The following RAVER2 variants were observed in gnomAD, a reference collection of about 807,000 sequenced individuals.
RAVER2 encodes the protein ribonucleoprotein PTB-binding 2.
Under a neutral mutation model 78.1 loss-of-function variants are expected in RAVER2, and 46 were observed. The ratio of observed to expected loss-of-function variants is 0.59; its 90% confidence interval spans 0.46 to 0.75. RAVER2 has a LOEUF of 0.75. RAVER2 is among the 30% of genes least tolerant of loss of function. The pLI is 0.00. For missense variants in RAVER2, 793 were observed against 837.5 expected, an observed-to-expected ratio of 0.95 and a Z score of 0.66; for synonymous variants, 311 against 313.3, an observed-to-expected ratio of 0.99 and a Z score of 0.08.
intron 11 of RAVER2, 80 bp from the exon 12 acceptor site, chr1:64,830,759 G>A: frequency 7.6e-7 from 1 of 1,307,950 alleles, no homozygotes; most frequent in Non-Finnish European, 1.1e-6. Flanking sequence ...AGTCAAAGTG[G>A]AATGCTTTTC....
At chr1:64,761,855 A>AT (rs971346418) in intron 1 of RAVER2, among the ~76,000 whole-genome samples, 4 of 152,106 alleles carry the variant, frequency 2.6e-5, no homozygotes, top group Non-Finnish European at 5.9e-5. Context: ...TACGCCTGTA[A>AT]TCCCCGGACT....
chr1:64,770,945 C>G (rs1652299354), intron 2 of RAVER2, among the ~76,000 whole-genome samples: 1 of 151,632 alleles, frequency 6.6e-6, no homozygotes, highest in Admixed American at 6.6e-5. Flanking sequence ...AACTGTGGGA[C>G]AGCTTCAAGA....
intron 5 of RAVER2, among the ~76,000 whole-genome samples, chr1:64,792,006 A>G (rs573794533): frequency 9.2e-5 from 14 of 152,208 alleles, no homozygotes; most frequent in Non-Finnish European, 1.6e-4. Flanking sequence ...GAGCCCCAGT[A>G]TATACCATAT....
At chr1:64,831,031 C>T (rs371765222) in exon 12 of RAVER2, 11 of 1,563,870 alleles carry the variant, frequency 7.0e-6, no homozygotes, top group South Asian at 1.2e-5. Flanking sequence ...TGCAGTATCT[C>T]TGCTGTTCAT....
At chr1:64,787,252 G>A (rs1652806637) in intron 4 of RAVER2, among the ~76,000 whole-genome samples, 1 of 152,112 alleles carries the variant, frequency 6.6e-6, no homozygotes, top group Non-Finnish European at 1.5e-5. Flanking sequence ...TTCTCCAAAT[G>A]TCTAGCTATT....
At position 64,833,176 on chromosome 1, in the gene RAVER2, A is replaced by ATTGT. The variant is rs201951894; in HGVS notation, c.*2195_*2198dup. ...TACTGTTATTTTTCTATGTAAGCAA[A>ATTGT]TTGTTTGAAATGCTTTGAAAATGAA... On this transcript the variant is annotated 3_prime_UTR_variant, in exon 12 of 12. Transcript: ENST00000294428. 1,189 of 199,270 alleles carry ATTGT rather than the reference A, an allele frequency of 6.0e-3. 14 individuals carry two copies. The highest frequency in any genetic ancestry group is 0.025 in the African/African-American group (1,078 of 43,486). 12.3% of individuals were successfully genotyped at this position (199,270 alleles called of 1,614,324 possible). A position where few individuals can be genotyped will look rare whatever the true frequency, so the allele number is the denominator to read the frequency against.
At chr1:64,768,031 T>TA (rs1371727681) in intron 1 of RAVER2, among the ~76,000 whole-genome samples, 1 of 151,382 alleles carries the variant, frequency 6.6e-6, no homozygotes, top group Non-Finnish European at 1.5e-5. Context: ...CCTTAGTAGT[T>TA]AGTTTTTTTC....
intron 1 of RAVER2, among the ~76,000 whole-genome samples, chr1:64,767,235 T>C (rs1048180648): frequency 6.6e-6 from 1 of 152,190 alleles, no homozygotes; most frequent in East Asian, 1.9e-4. Flanking sequence ...TCCATTTCTA[T>C]ATTACTCATA....
In RAVER2 at chr1:64,811,332, C is replaced by T. The variant is rs186057448; in HGVS notation, c.1681-1406C>T. Among the ~76,000 whole-genome samples the T allele has an allele frequency of 2.6e-5, 4 of 152,320 alleles. No individual in the cohort carries two copies. In the East Asian group the frequency reaches 5.8e-4, roughly 22 times the overall value. ...AGCCATTCATCTCTCCAGTAAATTG[C>T]TTATTGCAGTAAAAAGTGATGTCTC... On this transcript the variant is annotated intron_variant, in intron 9 of 11. Transcript: ENST00000294428.
At chr1:64,746,871 AT>A (rs1407044297) in intron 1 of RAVER2, among the ~76,000 whole-genome samples, 3 of 152,230 alleles carry the variant, frequency 2.0e-5, no homozygotes, top group Non-Finnish European at 4.4e-5. Context: ...AGCAGATGGC[AT>A]TTTTTAAAAA....
intron 1 of RAVER2, among the ~76,000 whole-genome samples, chr1:64,753,560 C>T (rs1010251797): frequency 2.2e-5 from 3 of 133,356 alleles, no homozygotes; most frequent in Admixed American, 8.0e-5. Context: ...CGGAGTCTCA[C>T]TCTGTTGCCC....
intron 1 of RAVER2, among the ~76,000 whole-genome samples, chr1:64,758,110 T>A (rs1304989500): frequency 6.6e-6 from 1 of 152,152 alleles, no homozygotes; most frequent in African/African-American, 2.4e-5. Flanking sequence ...GCTTCCTTCA[T>A]GTACAGTGCC....
At chr1:64,805,139 ACAGT>A (rs778520170) in intron 8 of RAVER2, 34 bp downstream of exon 8, 74 of 1,561,416 alleles carry the variant, frequency 4.7e-5, no homozygotes, top group Non-Finnish European at 6.2e-5. Context: ...AAGTCAGTAA[ACAGT>A]CAGGTTTGAG....
intron 3 of RAVER2, among the ~76,000 whole-genome samples, chr1:64,780,358 AG>A (rs977589986): frequency 2.2e-4 from 33 of 152,334 alleles, no homozygotes; most frequent in African/African-American, 7.2e-4. Flanking sequence ...GACTGGAAAA[AG>A]CTTTGTGGAG....
chr1:64,830,750 G>C lies in RAVER2; in HGVS notation c.1930-89G>C, dbSNP rs563776549. ...TATCCTGTTATTCTATATTCACCAA[G>C]TCAAAGTGGAATGCTTTTCTTATAA... On this transcript the variant is annotated intron_variant, in intron 11 of 11. Coordinates refer to ENST00000294428, the Ensembl canonical transcript of RAVER2. The C allele has an allele frequency of 6.6e-5, 82 of 1,247,008 alleles. 1 individual carries two copies. In the East Asian group the frequency reaches 1.9e-3, roughly 29 times the overall value. 77.2% of individuals were successfully genotyped at this position (1,247,008 alleles called of 1,614,324 possible).
chr1:64,830,076 C>T (rs1654087702), intron 11 of RAVER2, among the ~76,000 whole-genome samples: 2 of 152,180 alleles, frequency 1.3e-5, no homozygotes, highest in Admixed American at 6.5e-5. Flanking sequence ...ACTCATCAGT[C>T]ATTTCTAAGT....
At chr1:64,786,912 A>G (rs1489636458) in intron 4 of RAVER2, among the ~76,000 whole-genome samples, 1 of 152,194 alleles carries the variant, frequency 6.6e-6, no homozygotes, top group East Asian at 1.9e-4. Flanking sequence ...CAGTTTCTTT[A>G]TCTATAGAAT....
chr1:64,757,186 A>C (rs1046939981), intron 1 of RAVER2, among the ~76,000 whole-genome samples: 1 of 152,218 alleles, frequency 6.6e-6, no homozygotes, highest in African/African-American at 2.4e-5. Context: ...TTTGTTTTCA[A>C]CACAACAGGA....
chr1:64,802,179 G>A (rs1296373287), intron 5 of RAVER2, among the ~76,000 whole-genome samples: 1 of 152,194 alleles, frequency 6.6e-6, no homozygotes, highest in African/African-American at 2.4e-5. Flanking sequence ...GTAGGTTTTA[G>A]CCGGCTTCTT....
Sources: gnomAD v4.1 joint callset for allele counts (sites outside exome capture counted in the v4.1 genomes callset) on GRCh38, gnomAD v4.1.1 for gene constraint, MANE v1.5 for transcripts, NCBI Gene and HGNC (gene_info 2026-07-23, HGNC 2026-07-21) for gene names.